TRAP1: variants seen among roughly 807,000 people sequenced by gnomAD.
TRAP1 encodes heat shock protein 75 kDa, mitochondrial.
A neutral mutation model predicts 89.1 loss-of-function variants in TRAP1; 102 were observed. That is an observed-to-expected ratio of 1.15 (90% confidence interval 0.98 to 1.35). TRAP1 has a LOEUF of 1.35. Among genes scored for constraint, TRAP1 ranks in the 40% most tolerant of loss-of-function variants. The pLI is 0.00. For synonymous variants in TRAP1, 508 were observed against 388.0 expected, an observed-to-expected ratio of 1.31 and a Z score of -3.64; for missense variants, 1,256 against 945.3, an observed-to-expected ratio of 1.33 and a Z score of -4.31.
intron 3 of TRAP1, chr16:3,687,477 T>C (rs549155614): frequency 6.6e-6 from 1 of 152,428 alleles, no homozygotes; most frequent in East Asian, 1.9e-4. Context: ...TCTCATCTAG[T>C]GGGGACCACC....
rs759452840 is a variant in TRAP1, at chr16:3,679,796, G to A, written c.472-6C>T. On this transcript the variant is annotated splice_polypyrimidine_tract_variant and splice_region_variant and intron_variant, in intron 4 of 17. Transcript: ENST00000246957. ...GTCATCCCGATACCAGTATCCTGAG[G>A]AGAGAGACGCACTAAGTGCCAAGCC... 4.5e-5 allele frequency: 73 copies of A among 1,613,966 alleles called. No individual in the cohort carries two copies. The highest frequency in any genetic ancestry group is 4.1e-4 in the South Asian group (37 of 91,084).
Position 3,673,557 on chromosome 16 carries a change from G to A in TRAP1, c.1045-737C>T, listed in dbSNP as rs866073234. 4.4e-4 allele frequency among the ~76,000 whole-genome samples: 67 copies of A among 150,866 alleles called. 1 individual carries two copies. Among genetic ancestry groups the A allele is most frequent in the African/African-American group, 1.6e-3 (66 of 41,490 alleles). On this transcript the variant is annotated intron_variant, in intron 9 of 17. Transcript: ENST00000246957. ...ATGTGGGGCGACCTGGTTAAAATGG[G>A]GGGGATCCGGTTAAAATGCGGGGAG...
chr16:3,675,239 C>A, intron 8 of TRAP1, 85 bp downstream of exon 8: 1 of 1,379,746 alleles, frequency 7.2e-7, no homozygotes. Context: ...GGCCGCATCC[C>A]CTGGGCTCAT....
chr16:3,675,899 C>G (rs1314236755), intron 7 of TRAP1, 137 bp downstream of exon 7: 12 of 728,478 alleles, frequency 1.6e-5, no homozygotes, highest in Non-Finnish European at 2.4e-5. Flanking sequence ...CCTCCCAGTC[C>G]CGCAGCGGCT....
intron 1 of TRAP1, among the ~76,000 whole-genome samples, chr16:3,696,720 G>A (rs1002360406): frequency 3.8e-4 from 57 of 151,464 alleles, no homozygotes; most frequent in African/African-American, 9.7e-4. Flanking sequence ...ACCACTCCTA[G>A]CTAATTTTTT....
At position 3,686,124 on chromosome 16, in the gene TRAP1, C is replaced by A. The variant is rs2051135517; in HGVS notation, c.343G>T (p.Glu115Ter). Residue 115 changes from glutamate (E) to a stop codon, truncating the protein, a stop_gained, in exon 4 of 18, where the codon GAG (glutamate) becomes TAG (stop). Transcript: ENST00000246957. LOFTEE classifies it high-confidence loss of function. The stretch of plus-strand genomic sequence containing the variant: ...GCATCGCTGGCATTGGAGATCAGCT[C>A]CCGTATAAACACCTACAGGAATAGA... ...LYSEKEVFIRELISNASDALE... is the reference protein window; with the variant it reads ...LYSEKEVFIR The A allele has an allele frequency of 6.2e-7, 1 of 1,613,926 alleles. No homozygotes were observed. The highest frequency in any genetic ancestry group is 1.3e-5 in the African/African-American group (1 of 74,916).
At chr16:3,706,303 C>G (rs986770386) in intron 1 of TRAP1, among the ~76,000 whole-genome samples, 12 of 152,008 alleles carry the variant, frequency 7.9e-5, no homozygotes, top group Non-Finnish European at 1.8e-4. Flanking sequence ...GGGTGGGGGT[C>G]TCACTATGTT....
At chr16:3,659,381 A>AAT (rs2042932444) in intron 16 of TRAP1, 1 of 152,262 alleles carries the variant, frequency 6.6e-6, no homozygotes, top group South Asian at 2.1e-4. Context: ...AAAACCATTT[A>AAT]GACCAGAGTA....
intron 1 of TRAP1, among the ~76,000 whole-genome samples, chr16:3,708,323 T>A (rs983755982): frequency 2.0e-5 from 3 of 151,700 alleles, no homozygotes; most frequent in Non-Finnish European, 2.9e-5. Context: ...CTGTCTCTAC[T>A]AAAAATACAA....
chr16:3,704,747 C>CT (rs1215832151), intron 1 of TRAP1, among the ~76,000 whole-genome samples: 1 of 152,134 alleles, frequency 6.6e-6, no homozygotes, highest in Non-Finnish European at 1.5e-5. Flanking sequence ...GGCACAGGGG[C>CT]TCATGTTTGT....
chr16:3,661,922 A>C, intron 16 of TRAP1, 65 bp downstream of exon 16: 5 of 1,510,030 alleles, frequency 3.3e-6, no homozygotes, highest in Non-Finnish European at 4.4e-6. Flanking sequence ...TCCACAACAA[A>C]AGAACACCAC....
rs139805533 is a variant in TRAP1 at position 3,699,025 on chromosome 16, T to G, written c.89-8040A>C. Among the ~76,000 whole-genome samples the G allele has an allele frequency of 8.5e-5, 13 of 152,290 alleles. No individual in the cohort carries two copies. In the East Asian group the frequency reaches 2.5e-3, roughly 29 times the overall value. ...CTAAAGGAAAAACCACAAACCTCAA[T>G]GTCAGGCTACAAGATCTTACTGTTA... is the stretch of plus-strand genomic sequence containing the variant. On this transcript the variant is annotated intron_variant, in intron 1 of 17. Coordinates refer to ENST00000246957, the MANE Select transcript of TRAP1 (RefSeq NM_016292.3).
rs755984821 is a variant in TRAP1 at position 3,675,360 on chromosome 16, G to A, written c.852C>T (p.Pro284=). The change falls in exon 8 of 18, where the codon CCC becomes CCT. Residue 284 remains proline (P), a synonymous_variant. Transcript: ENST00000246957. The stretch of plus-strand genomic sequence containing the variant: ...TCATCCGCCTTCCATTCAAGTACAA[G>A]GGGAAGCTGACGAAGTTGCTGTACT... ...VTKYSNFVSF[P]LYLNGRRMNT... is the part of the protein sequence containing the mutation. 1 of 1,614,138 alleles carries A rather than the reference G, an allele frequency of 6.2e-7. No homozygotes were observed. Among genetic ancestry groups the A allele is most frequent in the Admixed American group, 1.7e-5 (1 of 60,024 alleles).
chr16:3,658,410 A>C, intron 17 of TRAP1, 180 bp from the exon 18 acceptor site: 1 of 613,508 alleles, frequency 1.6e-6, no homozygotes, highest in Non-Finnish European at 2.8e-6. Context: ...GTGAGCCACC[A>C]CGCCTGGCCA....
intron 1 of TRAP1, among the ~76,000 whole-genome samples, chr16:3,699,165 A>C (rs1369246379): frequency 1.3e-5 from 2 of 151,880 alleles, no homozygotes; most frequent in Non-Finnish European, 2.9e-5. Flanking sequence ...GCCAGTGCCC[A>C]TGCAGCTCCT....
At chr16:3,697,358 C>G (rs1451860094) in intron 1 of TRAP1, among the ~76,000 whole-genome samples, 1 of 152,016 alleles carries the variant, frequency 6.6e-6, no homozygotes, top group South Asian at 2.1e-4. Flanking sequence ...TTTGTAAGAG[C>G]TTTTTATATA....
intron 11 of TRAP1, among the ~76,000 whole-genome samples, chr16:3,671,389 C>A (rs1830101650): frequency 2.0e-5 from 3 of 152,256 alleles, no homozygotes; most frequent in African/African-American, 7.2e-5. Flanking sequence ...CTGGAGCCAG[C>A]ACACTGGAGT....
rs757572551 is a variant in TRAP1 at position 3,675,371 on chromosome 16, C to T, written c.841G>A (p.Val281Ile). The change falls in exon 8 of 18, where the codon GTC (valine) becomes ATC (isoleucine). Residue 281 changes from valine to isoleucine, a missense_variant. Physicochemically the swap from Val to Ile is conservative, Grantham distance 29. Coordinates refer to ENST00000246957, the MANE Select transcript of TRAP1 (RefSeq NM_016292.3). The stretch of plus-strand genomic sequence containing the variant: ...CCATTCAAGTACAAGGGGAAGCTGA[C>T]GAAGTTGCTGTACTTCGTTACCACA... ...RDVVTKYSNFVSFPLYLNGRR... is the reference protein window; with the variant it reads ...RDVVTKYSNFISFPLYLNGRR... 58 of 1,613,974 alleles carry T rather than the reference C, an allele frequency of 3.6e-5. No homozygotes were observed. Among genetic ancestry groups the T allele is most frequent in the Admixed American group, 2.0e-4 (12 of 60,000 alleles).
intron 11 of TRAP1, among the ~76,000 whole-genome samples, chr16:3,670,198 C>G (rs909903071): frequency 2.0e-5 from 3 of 151,130 alleles, no homozygotes; most frequent in Non-Finnish European, 2.9e-5. Flanking sequence ...CTGGCTAACA[C>G]GGTGAAACCC....
Sources: gnomAD v4.1 joint callset for allele counts (sites outside exome capture counted in the v4.1 genomes callset) on GRCh38, gnomAD v4.1.1 for gene constraint, MANE v1.5 for transcripts, NCBI Gene and HGNC (gene_info 2026-07-23, HGNC 2026-07-21) for gene names.